PRKAR1B: variants seen among roughly 807,000 people sequenced by gnomAD.
PRKAR1B encodes cAMP-dependent protein kinase type I-beta regulatory subunit.
Under a neutral mutation model 46.5 loss-of-function variants are expected in PRKAR1B, and 22 were observed. That is an observed-to-expected ratio of 0.47 (90% CI 0.34 to 0.68). The LOEUF is 0.68. Among genes scored for constraint, PRKAR1B ranks in the 30% least tolerant of loss-of-function variants. The probability of loss-of-function intolerance (pLI) is 0.01; values close to 1 mark genes in which losing one functional copy is unlikely to be tolerated. For synonymous variants in PRKAR1B, 259 were observed against 217.7 expected, an observed-to-expected ratio of 1.19 and a Z score of -1.67; for missense variants, 445 against 535.6, an observed-to-expected ratio of 0.83 and a Z score of 1.67.
At chr7:653,236 C>T (rs567342761) in intron 4 of PRKAR1B, among the ~76,000 whole-genome samples, 6 of 152,132 alleles carry the variant, frequency 3.9e-5, no homozygotes, top group Non-Finnish European at 8.8e-5. Context: ...TTGGGGGCCA[C>T]CAATGTCAAG....
chr7:657,079 G>A (rs1305892893), intron 4 of PRKAR1B, among the ~76,000 whole-genome samples: 8 of 152,130 alleles, frequency 5.3e-5, no homozygotes, highest in Admixed American at 2.6e-4. Flanking sequence ...ATGGATGGGT[G>A]AATGAATGAA....
intron 2 of PRKAR1B, among the ~76,000 whole-genome samples, chr7:685,135 CAGT>C (rs1474609329): frequency 3.4e-5 from 5 of 149,082 alleles, no homozygotes; most frequent in African/African-American, 1.2e-4. Context: ...ATACACATAA[CAGT>C]AGGAAGATAC....
At chr7:689,472 C>CA (rs1411401557) in intron 2 of PRKAR1B, among the ~76,000 whole-genome samples, 2 of 151,926 alleles carry the variant, frequency 1.3e-5, no homozygotes, top group South Asian at 4.1e-4. Flanking sequence ...TAATAATAAA[C>CA]AAAAAAATTA....
chr7:559,286 A>G (rs1704250357), intron 9 of PRKAR1B, among the ~76,000 whole-genome samples: 1 of 152,152 alleles, frequency 6.6e-6, no homozygotes, highest in African/African-American at 2.4e-5. Context: ...CTCTGAGCTG[A>G]GACCTCGAGG....
Position 647,802 on chromosome 7 carries a change from C to A in PRKAR1B, c.440+29427G>T, listed in dbSNP as rs1394739706. On this transcript the variant is annotated intron_variant, in intron 4 of 10. Transcript: ENST00000537384. ...AGCCTGGGCAACAACGAGACTTCGT[C>A]TCCAAAAAAAAAAAAAAAAAAAAAA... 2.8e-5 allele frequency among the ~76,000 whole-genome samples: 3 copies of A among 105,832 alleles called. No individual in the cohort carries two copies. The East Asian group carries it at 8.9e-4, about 31-fold the overall frequency. The allele number at this position is 105,832 out of a possible 152,430, so 69.4% of individuals were successfully genotyped here. A position where few individuals can be genotyped will look rare whatever the true frequency, so the allele number is the denominator to read the frequency against.
chr7:550,704 T>A, intron 10 of PRKAR1B, 102 bp from the exon 11 acceptor site: 2 of 982,982 alleles, frequency 2.0e-6, no homozygotes, highest in Non-Finnish European at 1.4e-6. Flanking sequence ...CTTTTAAGGA[T>A]AGGATGTGCC....
At chr7:721,751 C>G (rs552076604) in intron 1 of PRKAR1B, among the ~76,000 whole-genome samples, 4 of 152,314 alleles carry the variant, frequency 2.6e-5, no homozygotes, top group African/African-American at 9.6e-5. Flanking sequence ...TGTCTGAGAA[C>G]ATCTTTACTC....
intron 3 of PRKAR1B, among the ~76,000 whole-genome samples, chr7:678,744 G>C (rs1583405849): frequency 6.6e-6 from 1 of 152,370 alleles, no homozygotes; most frequent in Non-Finnish European, 1.5e-5. Flanking sequence ...TTGAGAGACA[G>C]CAATGAAATC....
chr7:650,222 A>T (rs1218289293), intron 4 of PRKAR1B, among the ~76,000 whole-genome samples: 6 of 152,104 alleles, frequency 3.9e-5, no homozygotes, highest in African/African-American at 1.2e-4. Flanking sequence ...TTCTCTGATG[A>T]AGAGGACAGG....
intron 4 of PRKAR1B, among the ~76,000 whole-genome samples, chr7:668,057 T>C (rs1269233560): frequency 6.6e-6 from 1 of 152,210 alleles, no homozygotes; most frequent in African/African-American, 2.4e-5. Context: ...CAGCCTGTGA[T>C]GATGGGGATA....
In PRKAR1B at chr7:682,891, G is replaced by A. The variant is rs75551487; in HGVS notation, c.178-2165C>T. Among the ~76,000 whole-genome samples, 430 of 152,216 alleles carry A rather than the reference G, an allele frequency of 2.8e-3. 5 individuals carry two copies. Among genetic ancestry groups the A allele is most frequent in the African/African-American group, 9.8e-3 (405 of 41,538 alleles). ...CCCTATTCAGCCTCGAGGTGGGTGC[G>A]GCCCCCAACCCCTCACACAGATCAG... is the stretch of plus-strand genomic sequence containing the variant. On this transcript the variant is annotated intron_variant, in intron 2 of 10. Transcript: ENST00000537384.
intron 1 of PRKAR1B, chr7:726,810 C>A: frequency 7.6e-7 from 1 of 1,322,508 alleles, no homozygotes; most frequent in South Asian, 2.1e-5. Context: ...TGAGCCGCGC[C>A]CTGAGCCGCC....
intron 4 of PRKAR1B, among the ~76,000 whole-genome samples, chr7:627,993 G>A (rs1263611663): frequency 6.6e-6 from 1 of 151,926 alleles, no homozygotes; most frequent in Non-Finnish European, 1.5e-5. Flanking sequence ...TGTCACTCAC[G>A]GAACAAACAC....
In PRKAR1B at chr7:683,889, A is replaced by G. The variant is rs1247863043; in HGVS notation, c.178-3163T>C. 6.6e-5 allele frequency among the ~76,000 whole-genome samples: 10 copies of G among 152,334 alleles called. No homozygotes were observed. The East Asian group carries it at 1.7e-3, about 26-fold the overall frequency. ...AATCACAGCCAAGGGCAGTTTCCCC[A>G]GAGGCCCCCACTTCTTCTGCAGCTG... On this transcript the variant is annotated intron_variant, in intron 2 of 10. Coordinates refer to ENST00000537384, the MANE Select transcript of PRKAR1B (RefSeq NM_001164760.2).
At position 667,705 on chromosome 7, in the gene PRKAR1B, G is replaced by C. The variant is rs768704639; in HGVS notation, c.440+9524C>G. Among the ~76,000 whole-genome samples, 1 of 152,178 alleles carries C rather than the reference G, an allele frequency of 6.6e-6. No individual in the cohort carries two copies. Among genetic ancestry groups the C allele is most frequent in the Non-Finnish European group, 1.5e-5 (1 of 68,026 alleles). ...AGGGAGCACAGGCTTAGGTGCCCAA[G>C]AACTCGAGCTCAAACCCTAGCTCTG... On this transcript the variant is annotated intron_variant, in intron 4 of 10. Coordinates refer to ENST00000537384, the MANE Select transcript of PRKAR1B (RefSeq NM_001164760.2). The surrounding 1 kb of genome is among the most constrained non-coding windows in gnomAD (Gnocchi z 4.3).
chr7:681,199 A>G (rs973807957), intron 2 of PRKAR1B, among the ~76,000 whole-genome samples: 31 of 151,934 alleles, frequency 2.0e-4, no homozygotes, highest in African/African-American at 7.3e-4. Context: ...TGCTATGATC[A>G]TAAGTTTCCT....
chr7:726,653 T>C, intron 1 of PRKAR1B: 1 of 1,144,326 alleles, frequency 8.7e-7, no homozygotes, highest in Non-Finnish European at 1.1e-6. Flanking sequence ...GGACCGGAAG[T>C]GCTGCCGTAA....
Position 677,292 on chromosome 7 carries a change from G to C in PRKAR1B, c.377C>G (p.Thr126Ser). ...KVIPKDYKTM[T>S]ALAKAISKNV... ...CTTGGAGATGGCCTTGGCCAGCGCA[G>C]TCATGGTTTTGTAGTCCTTGGGAAT... The change falls in exon 4 of 11, where the codon ACT (threonine) becomes AGT (serine). Residue 126 changes from threonine (T) to serine (S), a missense_variant. Transcript: ENST00000537384. 6.2e-7 allele frequency: 1 copy of C among 1,614,262 alleles called. No homozygotes were observed. The highest frequency in any genetic ancestry group is 1.3e-5 in the African/African-American group (1 of 75,080).
At chr7:576,943 T>C (rs921057062) in intron 9 of PRKAR1B, among the ~76,000 whole-genome samples, 2 of 152,200 alleles carry the variant, frequency 1.3e-5, no homozygotes, top group Admixed American at 1.3e-4. Context: ...GTTCCAGCGG[T>C]GGTGAGCATC....
Sources: allele counts gnomAD v4.1 joint callset (sites outside exome capture counted in the v4.1 genomes callset), GRCh38; gene constraint gnomAD v4.1.1; non-coding constraint Gnocchi (gnomAD v3.1); transcripts MANE v1.5; gene names NCBI Gene and HGNC (gene_info 2026-07-23, HGNC 2026-07-21).